Variants in EXOC6B observed in about 807,000 individuals in gnomAD.
EXOC6B encodes SEC15 homolog B.
Under a neutral mutation model 113.5 loss-of-function variants are expected in EXOC6B, and 54 were observed. The ratio of observed to expected loss-of-function variants is 0.48; its 90% CI spans 0.38 to 0.60. The LOEUF is 0.60. Among genes scored for constraint, EXOC6B ranks in the 20% least tolerant of loss-of-function variants. The pLI, the probability that EXOC6B is intolerant of heterozygous loss-of-function variation, is 0.00. For synonymous variants in EXOC6B, 357 were observed against 339.0 expected (o/e 1.05, Z -0.58); for missense variants, 797 against 977.5 (o/e 0.82, Z 2.46).
At chr2:72,786,674 T>C (rs1216149262) in intron 1 of EXOC6B, among the ~76,000 whole-genome samples, 1 of 152,206 alleles carries the variant, frequency 6.6e-6, no homozygotes, top group East Asian at 1.9e-4. Flanking sequence ...ATCTGGATTT[T>C]TTTGTAAGTT....
intron 17 of EXOC6B, among the ~76,000 whole-genome samples, chr2:72,471,148 T>A (rs1378006416): frequency 3.3e-5 from 5 of 152,128 alleles, no homozygotes; most frequent in African/African-American, 1.2e-4. Flanking sequence ...GACTTTTTAA[T>A]GATCGCCATT....
chr2:72,686,266 A>G (rs1481537494), intron 6 of EXOC6B, among the ~76,000 whole-genome samples: 1 of 152,194 alleles, frequency 6.6e-6, no homozygotes, highest in African/African-American at 2.4e-5. Context: ...CAGTCTTTTA[A>G]GTCCAAGGAA....
At chr2:72,609,926 C>T (rs1051665383) in intron 6 of EXOC6B, among the ~76,000 whole-genome samples, 2 of 151,980 alleles carry the variant, frequency 1.3e-5, no homozygotes, top group Non-Finnish European at 2.9e-5. Context: ...CAACTAACAT[C>T]AGAAACAATG....
chr2:72,429,609 G>C (rs1283930508), intron 18 of EXOC6B, among the ~76,000 whole-genome samples: 1 of 152,122 alleles, frequency 6.6e-6, no homozygotes, highest in African/African-American at 2.4e-5. Flanking sequence ...TTTTAATTCA[G>C]ACACAAAAAG....
intron 1 of EXOC6B, among the ~76,000 whole-genome samples, chr2:72,747,771 C>T (rs748873528): frequency 5.3e-4 from 81 of 152,064 alleles, no homozygotes; most frequent in Non-Finnish European, 9.0e-4. Flanking sequence ...TTAAGAGTAA[C>T]TCCCATTTGC....
intron 6 of EXOC6B, among the ~76,000 whole-genome samples, chr2:72,685,637 C>T (rs914006017): frequency 1.3e-5 from 2 of 152,186 alleles, no homozygotes; most frequent in Non-Finnish European, 2.9e-5. Flanking sequence ...TCTTAGGCAG[C>T]TTTTCTACTC....
At chr2:72,311,279 GAT>G (rs1687168923) in intron 20 of EXOC6B, among the ~76,000 whole-genome samples, 1 of 152,172 alleles carries the variant, frequency 6.6e-6, no homozygotes, top group African/African-American at 2.4e-5. Context: ...TCCAGGATAA[GAT>G]ATGTTTCCTT....
At chr2:72,777,176 G>T (rs1683756993) in intron 1 of EXOC6B, among the ~76,000 whole-genome samples, 1 of 152,140 alleles carries the variant, frequency 6.6e-6, no homozygotes, top group Admixed American at 6.5e-5. Flanking sequence ...GGGAGGCAGA[G>T]GTTGCAGTGA....
intron 20 of EXOC6B, among the ~76,000 whole-genome samples, chr2:72,245,571 T>C (rs1315126705): frequency 6.6e-6 from 1 of 152,218 alleles, no homozygotes; most frequent in African/African-American, 2.4e-5. Context: ...GAAAAGGCTA[T>C]ATGTTGTATG....
At chr2:72,639,021 G>T (rs1282937458) in intron 6 of EXOC6B, among the ~76,000 whole-genome samples, 2 of 152,296 alleles carry the variant, frequency 1.3e-5, no homozygotes, top group Non-Finnish European at 2.9e-5. Context: ...TACCAGGGAA[G>T]AGCTTGAGTA....
intron 1 of EXOC6B, among the ~76,000 whole-genome samples, chr2:72,775,771 T>C (rs1683660316): frequency 1.3e-5 from 2 of 152,176 alleles, no homozygotes; most frequent in Non-Finnish European, 2.9e-5. Flanking sequence ...GGGAAGTGGA[T>C]ATGATTATAA....
chr2:72,799,239 C>CAAAAAAA (rs956224881), intron 1 of EXOC6B, among the ~76,000 whole-genome samples: 3 of 41,314 alleles, frequency 7.3e-5, no homozygotes, highest in African/African-American at 1.2e-4. Flanking sequence ...GACCCTGTCT[C>CAAAAAAA]AAAAAAAAAA....
intron 2 of EXOC6B, among the ~76,000 whole-genome samples, chr2:72,740,918 C>T (rs945003337): frequency 3.9e-5 from 6 of 151,932 alleles, no homozygotes; most frequent in East Asian, 1.9e-4. Flanking sequence ...CTGGCTAACA[C>T]GGTGAAACCC....
intron 5 of EXOC6B, among the ~76,000 whole-genome samples, chr2:72,719,296 T>A (rs1388816901): frequency 3.9e-5 from 6 of 152,154 alleles, no homozygotes; most frequent in African/African-American, 1.2e-4. Flanking sequence ...ATAAATAAAT[T>A]AAGAAAAGTC....
chr2:72,550,180 TACAA>T (rs1335848878), intron 8 of EXOC6B, among the ~76,000 whole-genome samples: 1 of 152,094 alleles, frequency 6.6e-6, no homozygotes, highest in African/African-American at 2.4e-5. Context: ...AAAAAAAAAT[TACAA>T]ACATTTATAT....
intron 20 of EXOC6B, among the ~76,000 whole-genome samples, chr2:72,328,760 A>G (rs1216055723): frequency 2.6e-5 from 4 of 152,126 alleles, no homozygotes; most frequent in Non-Finnish European, 5.9e-5. Context: ...CCTTTGGGAT[A>G]TGATGACCCT....
chr2:72,563,331 C>T lies in EXOC6B; in HGVS notation c.847-3810G>A, dbSNP rs972913895. On this transcript the variant is annotated intron_variant, in intron 7 of 21. Transcript: ENST00000272427. ...TACTGGCATCCACGTTTGGTATCCACTAGATACCAATACATATGGCTAATC... is the reference window on the plus strand; with the variant it reads ...TACTGGCATCCACGTTTGGTATCCATTAGATACCAATACATATGGCTAATC... Among the ~76,000 whole-genome samples, 4 of 152,192 alleles carry T rather than the reference C, an allele frequency of 2.6e-5. No individual in the cohort carries two copies. In the South Asian group the frequency reaches 8.3e-4, roughly 32 times the overall value.
chr2:72,823,600 A>ATG (rs1443946796), intron 1 of EXOC6B, among the ~76,000 whole-genome samples: 1 of 152,018 alleles, frequency 6.6e-6, no homozygotes, highest in East Asian at 1.9e-4. Context: ...CTTGGGCAAC[A>ATG]TGGTGAAACC....
At chr2:72,777,069 C>T (rs1024174031) in intron 1 of EXOC6B, among the ~76,000 whole-genome samples, 2 of 151,968 alleles carry the variant, frequency 1.3e-5, no homozygotes, top group Admixed American at 6.6e-5. Context: ...GTTGAAACCC[C>T]ATCTCTAATA....
Sources: gnomAD v4.1 joint callset for allele counts (sites outside exome capture counted in the v4.1 genomes callset) on GRCh38, gnomAD v4.1.1 for gene constraint, MANE v1.5 for transcripts, NCBI Gene and HGNC (gene_info 2026-07-23, HGNC 2026-07-21) for gene names.